Variants in AATF observed in about 807,000 individuals in gnomAD.
AATF encodes protein AATF.
In AATF, 48 loss-of-function variants were observed where a neutral mutation model predicts 63.7. The ratio of observed to expected loss-of-function variants is 0.75; its 90% CI spans 0.60 to 0.96. AATF has a LOEUF of 0.96. AATF is among the 40% of genes least tolerant of loss of function. AATF has a pLI of 0.00. For missense variants in AATF, 639 were observed against 685.7 expected (o/e 0.93, Z 0.76); for synonymous variants, 258 against 247.7 (o/e 1.04, Z -0.39).
intron 4 of AATF, among the ~76,000 whole-genome samples, chr17:36,970,731 G>T (rs1209468375): frequency 1.3e-5 from 2 of 151,678 alleles, no homozygotes; most frequent in Non-Finnish European, 2.9e-5. Context: ...TCTTAGAGAT[G>T]AGGTCTTGTT....
chr17:37,015,704 G>A (rs1027699102), intron 8 of AATF, among the ~76,000 whole-genome samples: 1 of 152,096 alleles, frequency 6.6e-6, no homozygotes, highest in African/African-American at 2.4e-5. Context: ...GGGGGTGGGA[G>A]GGCAGACACC....
chr17:36,981,268 G>A (rs1597710613), intron 4 of AATF, among the ~76,000 whole-genome samples: 1 of 152,036 alleles, frequency 6.6e-6, no homozygotes, highest in Admixed American at 6.6e-5. Flanking sequence ...TTGGGTATGC[G>A]ATATGTTAGA....
chr17:37,022,362 A>G (rs963542825), intron 10 of AATF, among the ~76,000 whole-genome samples: 4 of 152,194 alleles, frequency 2.6e-5, no homozygotes, highest in Admixed American at 2.6e-4. Context: ...AGATTTCTCA[A>G]TTACTTTAAT....
rs919241556 is a variant in AATF, at chr17:37,023,622, A to G, written c.1547+2608A>G. ...GTTTAAAAAGAGGCATTCTTTTTAAACAGAGTTTAAAAAGAGGCATTCTTT... is the reference window on the plus strand; with the variant it reads ...GTTTAAAAAGAGGCATTCTTTTTAAGCAGAGTTTAAAAAGAGGCATTCTTT... On this transcript the variant is annotated intron_variant, in intron 10 of 11. Transcript: ENST00000619387. 3.1e-4 allele frequency among the ~76,000 whole-genome samples: 45 copies of G among 143,174 alleles called. No homozygotes were observed. In the South Asian group the frequency reaches 3.9e-3, roughly 12 times the overall value. 93.9% of individuals were successfully genotyped at this position (143,174 alleles called of 152,430 possible). A position where few individuals can be genotyped will look rare whatever the true frequency, so the allele number is the denominator to read the frequency against.
At chr17:36,972,522 A>G (rs2071046950) in intron 4 of AATF, among the ~76,000 whole-genome samples, 1 of 152,220 alleles carries the variant, frequency 6.6e-6, no homozygotes, top group Non-Finnish European at 1.5e-5. Context: ...GCACTGCAGG[A>G]AAAGTTTATG....
At chr17:37,008,602 C>G (rs923602151) in intron 8 of AATF, among the ~76,000 whole-genome samples, 5 of 152,116 alleles carry the variant, frequency 3.3e-5, no homozygotes, top group African/African-American at 1.2e-4. Flanking sequence ...GGTGGCTTAT[C>G]CCTGTAATCC....
intron 4 of AATF, among the ~76,000 whole-genome samples, chr17:36,971,423 T>C (rs2071038496): frequency 6.6e-6 from 1 of 152,162 alleles, no homozygotes; most frequent in Non-Finnish European, 1.5e-5. Flanking sequence ...CAACACCAAG[T>C]GCTGGGAAGA....
At chr17:36,987,153 A>ATTTTTTTTTTTTTTT (rs11286976) in intron 5 of AATF, among the ~76,000 whole-genome samples, 2 of 121,360 alleles carry the variant, frequency 1.6e-5, no homozygotes, top group Admixed American at 8.3e-5. Context: ...ATGCCTGGCT[A>ATTTTTTTTTTTTTTT]TTTTTTTTTT....
At chr17:37,043,630 A>T (rs925902310) in intron 11 of AATF, among the ~76,000 whole-genome samples, 21 of 152,204 alleles carry the variant, frequency 1.4e-4, no homozygotes, top group Non-Finnish European at 2.5e-4. Flanking sequence ...TTTTATGTTC[A>T]TATATTTGGA....
intron 5 of AATF, among the ~76,000 whole-genome samples, 179 bp downstream of exon 5, chr17:36,986,910 A>G (rs2071173145): frequency 6.6e-6 from 1 of 152,156 alleles, no homozygotes; most frequent in African/African-American, 2.4e-5. Context: ...AGATTTTTAT[A>G]TTTAGTTGTA....
chr17:36,950,173 T>TA, intron 1 of AATF, 41 bp from the exon 2 acceptor site: 1 of 1,591,708 alleles, frequency 6.3e-7, no homozygotes, highest in Non-Finnish European at 8.6e-7. Flanking sequence ...AAGTTTCTGC[T>TA]AACCTGGAGA....
At chr17:36,993,685 G>A (rs919452708) in intron 8 of AATF, among the ~76,000 whole-genome samples, 3 of 152,090 alleles carry the variant, frequency 2.0e-5, no homozygotes, top group Admixed American at 1.3e-4. Flanking sequence ...GAAGAGCTGG[G>A]TGGTGAATAT....
chr17:36,981,702 C>CTTTTTTTTT (rs71368433), intron 4 of AATF, among the ~76,000 whole-genome samples: 24 of 110,456 alleles, frequency 2.2e-4, no homozygotes, highest in South Asian at 2.9e-4. Flanking sequence ...TCTTTCTTTT[C>CTTTTTTTTT]TTTTTTTTTT....
intron 4 of AATF, among the ~76,000 whole-genome samples, chr17:36,979,064 G>A (rs922304671): frequency 1.3e-5 from 2 of 151,862 alleles, no homozygotes; most frequent in East Asian, 1.9e-4. Context: ...TCTGGCCACC[G>A]GCAATTAATA....
At chr17:37,035,883 G>A (rs566604746) in intron 11 of AATF, among the ~76,000 whole-genome samples, 2 of 152,134 alleles carry the variant, frequency 1.3e-5, no homozygotes, top group African/African-American at 4.8e-5. Flanking sequence ...AAATCCAAAT[G>A]ACCCAAACTA....
intron 8 of AATF, among the ~76,000 whole-genome samples, chr17:37,016,072 C>T (rs1299089050): frequency 3.9e-5 from 6 of 152,168 alleles, no homozygotes; most frequent in South Asian, 2.1e-4. Context: ...AGGAATTCTG[C>T]GGCCTAATAC....
At chr17:37,048,208 C>T (rs968723400) in intron 11 of AATF, among the ~76,000 whole-genome samples, 3 of 151,760 alleles carry the variant, frequency 2.0e-5, no homozygotes, top group African/African-American at 4.8e-5. Flanking sequence ...GAGTAAGTAC[C>T]GACTTTTTGG....
At chr17:36,998,222 GA>G (rs57465475) in intron 8 of AATF, among the ~76,000 whole-genome samples, 7,482 of 148,302 alleles carry the variant, frequency 0.05, 507 homozygotes, top group African/African-American at 0.16. Context: ...GTAACTTATG[GA>G]AAAAAAAAAT....
chr17:36,951,785 G>A (rs1438125777), intron 2 of AATF, among the ~76,000 whole-genome samples: 4 of 152,156 alleles, frequency 2.6e-5, no homozygotes, highest in African/African-American at 7.2e-5. Flanking sequence ...CTTAGTTTTT[G>A]TATTTATATT....
Sources: allele counts gnomAD v4.1 joint callset (sites outside exome capture counted in the v4.1 genomes callset), GRCh38; gene constraint gnomAD v4.1.1; transcripts MANE v1.5; gene names NCBI Gene and HGNC (gene_info 2026-07-23, HGNC 2026-07-21).